Variants in AGBL1 observed in about 807,000 individuals in gnomAD.
The protein encoded by AGBL1 is AGBL carboxypeptidase 1, also known as cytosolic carboxypeptidase 4.
AGBL1 carries 130 observed loss-of-function variants against 118.9 expected under a neutral mutation model. The ratio of observed to expected loss-of-function variants is 1.09; its 90% CI spans 0.95 to 1.26. AGBL1 has a LOEUF of 1.26. AGBL1 is among the 50% of genes most tolerant of loss of function. The pLI, the probability that AGBL1 is intolerant of heterozygous loss-of-function variation, is 0.00. For synonymous variants in AGBL1, 555 were observed against 478.9 expected, an observed-to-expected ratio of 1.16 and a Z score of -2.08; for missense variants, 1,584 against 1,298.1, an observed-to-expected ratio of 1.22 and a Z score of -3.38.
chr15:86,982,544 C>G (rs1385401197), intron 23 of AGBL1, among the ~76,000 whole-genome samples: 1 of 152,064 alleles, frequency 6.6e-6, no homozygotes, highest in African/African-American at 2.4e-5. Flanking sequence ...GCCTTTTCTT[C>G]TACCTCCTCC....
In AGBL1 at chr15:86,740,215, A is replaced by T. The variant is rs185156148; in HGVS notation, c.3158+65779A>T. On this transcript the variant is annotated intron_variant, in intron 22 of 22. Coordinates refer to ENST00000614907, the MANE Select transcript of AGBL1 (RefSeq NM_001386094.1). ...GTCTCTTTTGTTGTAAAGTATAAAG[A>T]AGAAAATTGTTTCCCTAGCATCCCC... Among the ~76,000 whole-genome samples the T allele has an allele frequency of 3.8e-3, 586 of 152,360 alleles. 5 individuals are homozygous for T. Among genetic ancestry groups the T allele is most frequent in the South Asian group, 0.019 (94 of 4,826 alleles).
At chr15:86,658,690 T>C (rs552621331) in intron 21 of AGBL1, among the ~76,000 whole-genome samples, 1 of 152,270 alleles carries the variant, frequency 6.6e-6, no homozygotes, top group Non-Finnish European at 1.5e-5. Context: ...TATATGGGCA[T>C]GTGGATACAG....
intron 7 of AGBL1, among the ~76,000 whole-genome samples, chr15:86,254,573 C>T (rs1212617117): frequency 6.6e-6 from 1 of 152,172 alleles, no homozygotes; most frequent in Non-Finnish European, 1.5e-5. Flanking sequence ...TTTCATCATC[C>T]CTTCCAAGTA....
At position 86,567,135 on chromosome 15, in the gene AGBL1, C is replaced by T. The variant is rs1321355099; in HGVS notation, c.2994+12598C>T. Among the ~76,000 whole-genome samples the T allele has an allele frequency of 2.0e-5, 3 of 152,158 alleles. No homozygotes were observed. The East Asian group carries it at 5.8e-4, about 29-fold the overall frequency. On this transcript the variant is annotated intron_variant, in intron 21 of 22. Transcript: ENST00000614907. ...TCTATTTTAGATAAAGACACTTAGG[C>T]TCCAACTCTTAACCATAATCATTTT...
intron 5 of AGBL1, among the ~76,000 whole-genome samples, chr15:86,188,063 T>C (rs1233458386): frequency 6.6e-6 from 1 of 152,246 alleles, no homozygotes; most frequent in Admixed American, 6.5e-5. Flanking sequence ...CAATGCTTAA[T>C]AGTAGCTACT....
At chr15:86,576,525 T>G (rs1333366527) in intron 21 of AGBL1, among the ~76,000 whole-genome samples, 1 of 152,224 alleles carries the variant, frequency 6.6e-6, no homozygotes, top group Non-Finnish European at 1.5e-5. Context: ...CCAGCCAAAG[T>G]GACTGACACA....
chr15:86,621,060 T>G (rs2142410615), intron 21 of AGBL1, among the ~76,000 whole-genome samples: 1 of 152,332 alleles, frequency 6.6e-6, no homozygotes, highest in Admixed American at 6.5e-5. Context: ...TGGAGTCAGC[T>G]AAGAGTTTCT....
intron 7 of AGBL1, among the ~76,000 whole-genome samples, chr15:86,256,456 T>C (rs1199359210): frequency 6.6e-6 from 1 of 152,196 alleles, no homozygotes; most frequent in Non-Finnish European, 1.5e-5. Context: ...GCTCATTGCC[T>C]AACGTAGGCA....
chr15:86,291,580 G>T (rs544227750), intron 16 of AGBL1, among the ~76,000 whole-genome samples: 1 of 152,328 alleles, frequency 6.6e-6, no homozygotes, highest in East Asian at 1.9e-4. Context: ...CACATAGAAA[G>T]GGCTTAGTGA....
chr15:86,381,761 G>C (rs2081115970), intron 17 of AGBL1, among the ~76,000 whole-genome samples: 1 of 152,176 alleles, frequency 6.6e-6, no homozygotes, highest in African/African-American at 2.4e-5. Context: ...TGCAGAAGGA[G>C]GGGCCTGTGC....
At chr15:86,904,492 A>G (rs1256744122) in intron 22 of AGBL1, among the ~76,000 whole-genome samples, 1 of 150,386 alleles carries the variant, frequency 6.6e-6, no homozygotes, top group African/African-American at 2.4e-5. Flanking sequence ...TGGGCAAATA[A>G]GTGAGAGATA....
chr15:86,433,016 A>G (rs540083585), intron 18 of AGBL1, among the ~76,000 whole-genome samples: 54 of 152,264 alleles, frequency 3.5e-4, no homozygotes, highest in African/African-American at 1.1e-3. Flanking sequence ...AAGCGTGCAC[A>G]TTCAAGATGC....
chr15:86,356,366 C>CCGCA (rs2080720319), intron 17 of AGBL1, among the ~76,000 whole-genome samples: 1 of 142,956 alleles, frequency 7.0e-6, no homozygotes, highest in Non-Finnish European at 1.5e-5. Context: ...GCGCGTGCGC[C>CCGCA]CGCACGCACG....
chr15:86,420,192 C>T (rs949981432), intron 18 of AGBL1, among the ~76,000 whole-genome samples: 10 of 152,160 alleles, frequency 6.6e-5, no homozygotes, highest in East Asian at 1.9e-4. Context: ...TAGCAGGGGT[C>T]GACAGACACC....
intron 17 of AGBL1, among the ~76,000 whole-genome samples, chr15:86,361,554 C>T (rs1339531513): frequency 6.6e-6 from 1 of 151,942 alleles, no homozygotes; most frequent in African/African-American, 2.4e-5. Flanking sequence ...ATTGAAGTCT[C>T]CTACTATTAT....
chr15:86,620,386 CT>C (rs1358575957), intron 21 of AGBL1, among the ~76,000 whole-genome samples: 2 of 152,158 alleles, frequency 1.3e-5, no homozygotes, highest in Non-Finnish European at 2.9e-5. Flanking sequence ...AAACTTCACG[CT>C]GTCAGGAGGT....
rs560268025 is a variant in AGBL1, at chr15:86,474,654, G to T, written c.2556-48156G>T. Among the ~76,000 whole-genome samples, 12 of 152,332 alleles carry T rather than the reference G, an allele frequency of 7.9e-5. No individual in the cohort carries two copies. The East Asian group carries it at 2.3e-3, about 29-fold the overall frequency. On this transcript the variant is annotated intron_variant, in intron 18 of 22. Transcript: ENST00000614907. ...TGTAGGCTCCACCTCTGGGGGCAGG[G>T]CATAGCCAAACAAAAGGCAGCAGAA...
intron 22 of AGBL1, among the ~76,000 whole-genome samples, chr15:86,697,385 T>C (rs564372272): frequency 6.6e-6 from 1 of 152,008 alleles, no homozygotes; most frequent in East Asian, 1.9e-4. Context: ...TCGATTCTAT[T>C]GCTGAGACTT....
At chr15:86,722,514 G>A (rs1424896039) in intron 22 of AGBL1, among the ~76,000 whole-genome samples, 1 of 152,098 alleles carries the variant, frequency 6.6e-6, no homozygotes, top group Non-Finnish European at 1.5e-5. Context: ...ATTCAAGATG[G>A]ATTAAAGACT....
Sources: allele counts gnomAD v4.1 joint callset (sites outside exome capture counted in the v4.1 genomes callset), GRCh38; gene constraint gnomAD v4.1.1; transcripts MANE v1.5; gene names NCBI Gene and HGNC (gene_info 2026-07-23, HGNC 2026-07-21).